Variants in GP6 observed in about 807,000 individuals in gnomAD.
GP6 encodes glycoprotein VI platelet, also known as platelet glycoprotein VI.
In GP6, 45 loss-of-function variants were observed where a neutral mutation model predicts 37.3. The observed-to-expected ratio is 1.21, with a 90% CI of 0.95 to 1.55. GP6 has a LOEUF of 1.55. Among genes scored for constraint, GP6 ranks in the 40% most tolerant of loss-of-function variants. GP6 has a pLI of 0.00. For missense variants in GP6, 813 were observed against 760.2 expected (o/e 1.07, Z -0.82); for synonymous variants, 340 against 316.4 (o/e 1.07, Z -0.79).
In GP6 at chr19:55,027,794, G is replaced by A. The variant is rs1449466793; in HGVS notation, c.394C>T (p.Leu132=). ...AAGCCATACCGAGTCTGACACTGTA[G>A]GGTTACGTCCCCTCCTGACGACACC... is the stretch of plus-strand genomic sequence containing the variant. Residue 132 remains leucine, a synonymous_variant, in exon 4 of 8, where the codon CTA becomes TTA. Coordinates refer to ENST00000310373, the MANE Select transcript of GP6 (RefSeq NM_001083899.2). The A allele has an allele frequency of 1.2e-6, 2 of 1,613,870 alleles. No individual in the cohort carries two copies. The highest frequency in any genetic ancestry group is 1.3e-5 in the African/African-American group (1 of 74,946).
intron 1 of GP6, among the ~76,000 whole-genome samples, chr19:55,037,987 CTG>C (rs2074902202): frequency 6.6e-6 from 1 of 152,114 alleles, no homozygotes; most frequent in Non-Finnish European, 1.5e-5. Flanking sequence ...CTAGGATACT[CTG>C]TTCATTTCCT....
chr19:55,038,111 A>G, intron 1 of GP6, 92 bp downstream of exon 1: 5 of 1,075,346 alleles, frequency 4.6e-6, no homozygotes, highest in Non-Finnish European at 7.0e-6. Context: ...TTGTCCTGAA[A>G]TTCATCACCA....
chr19:55,029,744 C>T (rs2146850462), intron 3 of GP6, among the ~76,000 whole-genome samples: 1 of 150,826 alleles, frequency 6.6e-6, no homozygotes, highest in Middle Eastern at 3.4e-3. Context: ...ACTTCACATA[C>T]CAGATAGTGA....
chr19:55,022,555 G>C (rs773172013), intron 5 of GP6, among the ~76,000 whole-genome samples: 3 of 152,222 alleles, frequency 2.0e-5, no homozygotes, highest in Non-Finnish European at 2.9e-5. Context: ...AATAGGAAGA[G>C]AGGAAATCAA....
intron 3 of GP6, among the ~76,000 whole-genome samples, chr19:55,029,761 C>T (rs2074492492): frequency 6.7e-6 from 1 of 149,912 alleles, no homozygotes; most frequent in Admixed American, 6.7e-5. Context: ...GTGAGGAGGG[C>T]CACTTTGACT....
chr19:55,034,333 G>A (rs527656226), intron 1 of GP6, among the ~76,000 whole-genome samples: 99 of 152,138 alleles, frequency 6.5e-4, no homozygotes, highest in Admixed American at 1.8e-3. Flanking sequence ...AGGGTGGGCG[G>A]ATCACAAGGT....
intron 3 of GP6, 67 bp downstream of exon 3, chr19:55,032,072 T>C: frequency 6.6e-7 from 1 of 1,524,204 alleles, no homozygotes; most frequent in Non-Finnish European, 9.0e-7. Flanking sequence ...CTGCCCTCAA[T>C]GTCCCCCGTA....
chr19:55,024,309 T>TGCACGCACACAC (rs1357661954), intron 5 of GP6, among the ~76,000 whole-genome samples: 3 of 130,054 alleles, frequency 2.3e-5, no homozygotes, highest in South Asian at 2.4e-4. Context: ...TGCACACACA[T>TGCACGCACACAC]ATGCACGCAC....
intron 3 of GP6, among the ~76,000 whole-genome samples, chr19:55,030,245 G>A (rs968943838): frequency 2.0e-5 from 3 of 152,214 alleles, no homozygotes; most frequent in African/African-American, 7.2e-5. Flanking sequence ...AGCTACTAGG[G>A]AGGACCACTT....
intron 3 of GP6, among the ~76,000 whole-genome samples, chr19:55,030,864 T>G (rs1384671397): frequency 6.6e-6 from 1 of 152,074 alleles, no homozygotes; most frequent in Non-Finnish European, 1.5e-5. Context: ...TTGTTTGTTT[T>G]TTGATACAGG....
chr19:55,015,247 G>A, intron 7 of GP6, 82 bp from the exon 8 acceptor site: 1 of 1,547,806 alleles, frequency 6.5e-7, no homozygotes, highest in South Asian at 1.2e-5. Flanking sequence ...GCTTCTCAGA[G>A]ATCCTATTAT....
chr19:55,019,747 G>A (rs1291578172), intron 5 of GP6, among the ~76,000 whole-genome samples: 1 of 144,884 alleles, frequency 6.9e-6, no homozygotes, highest in African/African-American at 2.6e-5. Context: ...GTGCAATCTC[G>A]GCTCACTGCA....
intron 1 of GP6, among the ~76,000 whole-genome samples, chr19:55,034,149 CATGT>C (rs755876412): frequency 8.3e-5 from 6 of 72,010 alleles, no homozygotes; most frequent in South Asian, 3.8e-4. Context: ...TATATGTATG[CATGT>C]GTGTGTGTGT....
rs746487471 is a variant in GP6, at chr19:55,032,353, C to T, written c.111G>A (p.Leu37=). Residue 37 remains leucine (L), a synonymous_variant, in exon 3 of 8, where the codon CTG becomes CTA. Coordinates refer to ENST00000310373, the MANE Select transcript of GP6 (RefSeq NM_001083899.2). ...GGGTCACTGGCTTCTCCAGGGGCAC[C>T]AGGGAGCTGGGCAGAGCCTGGAGGG... is the stretch of plus-strand genomic sequence containing the variant. 4.3e-6 allele frequency: 7 copies of T among 1,613,818 alleles called. No individual in the cohort carries two copies. In the African/African-American group the frequency reaches 8.0e-5, roughly 18 times the overall value.
At chr19:55,022,743 G>A (rs751391661) in intron 5 of GP6, among the ~76,000 whole-genome samples, 5 of 152,016 alleles carry the variant, frequency 3.3e-5, no homozygotes, top group Non-Finnish European at 5.9e-5. Context: ...AAATCATGAA[G>A]GAACTCCCAT....
intron 1 of GP6, among the ~76,000 whole-genome samples, chr19:55,034,716 T>TCACAC (rs143935276): frequency 1.4e-5 from 2 of 148,042 alleles, no homozygotes; most frequent in Non-Finnish European, 3.0e-5. Flanking sequence ...CCCTCATTCT[T>TCACAC]ACACACACAC....
intron 3 of GP6, among the ~76,000 whole-genome samples, chr19:55,031,213 T>C (rs767533828): frequency 7.2e-5 from 11 of 152,308 alleles, no homozygotes; most frequent in Non-Finnish European, 1.5e-4. Flanking sequence ...GGTGAAATAT[T>C]TCCATTAATA....
chr19:55,029,374 ATTTTTTTTTTTTTTTTTTTTTT>A (rs1160805363), intron 3 of GP6, among the ~76,000 whole-genome samples: 37 of 4,432 alleles, frequency 8.3e-3, no homozygotes, highest in African/African-American at 0.024. Flanking sequence ...ATATATATAT[ATTTTTTTTTTTTTTTTTTTTTT>A]TTTTTTTTTT....
intron 5 of GP6, among the ~76,000 whole-genome samples, chr19:55,020,938 G>A (rs2074053729): frequency 6.6e-6 from 1 of 151,248 alleles, no homozygotes; most frequent in Non-Finnish European, 1.5e-5. Context: ...TGCAGTCCCA[G>A]CTACTCGGGA....
Sources: gnomAD v4.1 joint callset for allele counts (sites outside exome capture counted in the v4.1 genomes callset) on GRCh38, gnomAD v4.1.1 for gene constraint, MANE v1.5 for transcripts, NCBI Gene and HGNC (gene_info 2026-07-23, HGNC 2026-07-21) for gene names.